Variants in LARP1B observed in about 807,000 individuals in gnomAD.
LARP1B encodes la-related protein 1B.
In LARP1B, 76 loss-of-function variants were observed where a neutral mutation model predicts 114.2. The observed-to-expected ratio is 0.67, with a 90% CI of 0.55 to 0.81. The LOEUF is 0.81. Ranked by LOEUF, LARP1B falls within the 30% of genes least tolerant of loss-of-function variation. The probability of loss-of-function intolerance (pLI) is 0.00; values close to 1 mark genes in which losing one functional copy is unlikely to be tolerated. For synonymous variants in LARP1B, 345 were observed against 348.0 expected (o/e 0.99, Z 0.10); for missense variants, 1,014 against 1,075.8 (o/e 0.94, Z 0.80).
At chr4:128,092,461 A>G (rs1157302134) in intron 7 of LARP1B, among the ~76,000 whole-genome samples, 1 of 152,188 alleles carries the variant, frequency 6.6e-6, no homozygotes, top group Non-Finnish European at 1.5e-5. Context: ...AGTATTGTAT[A>G]GGATATTTTG....
chr4:128,172,108 C>T (rs1445409285), intron 12 of LARP1B, among the ~76,000 whole-genome samples: 1 of 151,982 alleles, frequency 6.6e-6, no homozygotes, highest in Non-Finnish European at 1.5e-5. Flanking sequence ...CTCTCCTAGA[C>T]CTTTTGTTGT....
intron 9 of LARP1B, among the ~76,000 whole-genome samples, chr4:128,110,299 C>T (rs1177666520): frequency 6.6e-6 from 1 of 151,570 alleles, no homozygotes; most frequent in Non-Finnish European, 1.5e-5. Context: ...TTTTTTGTTT[C>T]TAAGTAGTTT....
intron 11 of LARP1B, among the ~76,000 whole-genome samples, chr4:128,138,920 C>G (rs1269451323): frequency 2.0e-5 from 3 of 152,152 alleles, no homozygotes; most frequent in African/African-American, 7.2e-5. Flanking sequence ...TGCCACTTCA[C>G]TCCAGCCCGG....
At chr4:128,158,010 G>A (rs764364618) in intron 11 of LARP1B, among the ~76,000 whole-genome samples, 22 of 152,040 alleles carry the variant, frequency 1.4e-4, no homozygotes, top group Non-Finnish European at 2.9e-4. Context: ...CAACAACGCT[G>A]GTGTAACTCT....
chr4:128,125,346 C>A (rs1404317141), intron 11 of LARP1B, among the ~76,000 whole-genome samples: 1 of 152,180 alleles, frequency 6.6e-6, no homozygotes, highest in Admixed American at 6.5e-5. Context: ...TAACCAAATA[C>A]CACCTGTTCC....
At chr4:128,122,736 A>G in intron 11 of LARP1B, 1 of 1,240,654 alleles carries the variant, frequency 8.1e-7, no homozygotes, top group Non-Finnish European at 1.0e-6. Flanking sequence ...TCTAGTCATT[A>G]CTGTGGTGCT....
intron 12 of LARP1B, among the ~76,000 whole-genome samples, chr4:128,175,927 A>T (rs1745673837): frequency 6.6e-6 from 1 of 151,576 alleles, no homozygotes; most frequent in South Asian, 2.1e-4. Context: ...ATTAGTGGGA[A>T]TTGGAATTTA....
chr4:128,104,939 G>T (rs1370660208), intron 8 of LARP1B, among the ~76,000 whole-genome samples: 2 of 152,138 alleles, frequency 1.3e-5, no homozygotes, highest in South Asian at 2.1e-4. Context: ...TTTTTTTAAA[G>T]TATCAAACCA....
intron 14 of LARP1B, among the ~76,000 whole-genome samples, chr4:128,179,035 G>A (rs1470645443): frequency 1.3e-5 from 2 of 152,170 alleles, no homozygotes; most frequent in Non-Finnish European, 2.9e-5. Context: ...CAGGGCTGCA[G>A]TGAGCCATGA....
rs1764337835 is a variant in LARP1B, at chr4:128,069,451, C to T, written c.-77-5009C>T. ...TGGCGAACACGAATCCTATATATAA[C>T]ATAAACTTGGTTGGCCTTGTAGCCC... On this transcript the variant is annotated intron_variant, in intron 1 of 19. Coordinates refer to ENST00000326639, the MANE Select transcript of LARP1B (RefSeq NM_018078.4). 6 of 759,022 alleles carry T rather than the reference C, an allele frequency of 7.9e-6. No individual in the cohort carries two copies. The Admixed American group carries it at 1.0e-4, about 13-fold the overall frequency. 47.0% of individuals were successfully genotyped at this position (759,022 alleles called of 1,614,324 possible).
intron 8 of LARP1B, among the ~76,000 whole-genome samples, chr4:128,099,137 C>G (rs569990875): frequency 6.6e-6 from 1 of 151,568 alleles, no homozygotes; most frequent in Non-Finnish European, 1.5e-5. Context: ...GTGGCTCATG[C>G]CTGTAATCCC....
Position 128,200,549 on chromosome 4 carries a change from C to T in LARP1B, c.2193C>T (p.Ser731=). ...GAAAACGCTTGGGAATTGGTCAGTC[C>T]CAAGAAATGAATACCCTCTTTCGTT... ...SERKRLGIGQ[S]QEMNTLFRFW... is the part of the protein sequence containing the mutation. The change falls in exon 17 of 20, where the codon TCC becomes TCT. Residue 731 remains serine (S), a synonymous_variant. Coordinates refer to ENST00000326639, the MANE Select transcript of LARP1B (RefSeq NM_018078.4). 1 of 1,568,360 alleles carries T rather than the reference C, an allele frequency of 6.4e-7. No individual in the cohort carries two copies. The highest frequency in any genetic ancestry group is 8.6e-7 in the Non-Finnish European group (1 of 1,159,438).
intron 15 of LARP1B, among the ~76,000 whole-genome samples, chr4:128,185,766 C>G (rs914148387): frequency 7.2e-5 from 11 of 152,120 alleles, no homozygotes; most frequent in Non-Finnish European, 1.6e-4. Flanking sequence ...TTGCCTAGAC[C>G]AATGGCCTAG....
At chr4:128,133,323 T>A (rs1792151399) in intron 11 of LARP1B, among the ~76,000 whole-genome samples, 1 of 152,240 alleles carries the variant, frequency 6.6e-6, no homozygotes, top group African/African-American at 2.4e-5. Flanking sequence ...CAGTGAATTG[T>A]ACTACATGTG....
intron 10 of LARP1B, among the ~76,000 whole-genome samples, chr4:128,120,958 G>A (rs982132540): frequency 2.0e-5 from 3 of 149,682 alleles, no homozygotes; most frequent in African/African-American, 7.4e-5. Context: ...CTACAGGTGC[G>A]TGCCACCACG....
intron 8 of LARP1B, among the ~76,000 whole-genome samples, chr4:128,104,161 C>T (rs1247532528): frequency 1.3e-5 from 2 of 151,774 alleles, no homozygotes; most frequent in Admixed American, 6.6e-5. Flanking sequence ...CCTATGTATA[C>T]GGTCAGGTAA....
At chr4:128,098,758 T>TATATATATATAC (rs1447266143) in intron 8 of LARP1B, among the ~76,000 whole-genome samples, 2 of 36,464 alleles carry the variant, frequency 5.5e-5, no homozygotes, top group East Asian at 8.2e-4. Flanking sequence ...TATATATATA[T>TATATATATATAC]ATATATATAT....
chr4:128,114,091 C>T (rs1785015589), intron 9 of LARP1B, among the ~76,000 whole-genome samples: 1 of 152,002 alleles, frequency 6.6e-6, no homozygotes, highest in African/African-American at 2.4e-5. Flanking sequence ...CCTTGCTGAG[C>T]CAAGGAAATG....
intron 1 of LARP1B, among the ~76,000 whole-genome samples, chr4:128,072,971 A>G (rs1765960321): frequency 6.6e-6 from 1 of 152,148 alleles, no homozygotes; most frequent in Non-Finnish European, 1.5e-5. Context: ...TTACGTAGAG[A>G]CTGTTTAAAT....
Sources: gnomAD v4.1 joint callset for allele counts (sites outside exome capture counted in the v4.1 genomes callset) on GRCh38, gnomAD v4.1.1 for gene constraint, MANE v1.5 for transcripts, NCBI Gene and HGNC (gene_info 2026-07-23, HGNC 2026-07-21) for gene names.